Variants in IGFN1 observed in about 807,000 individuals in gnomAD.
The protein encoded by IGFN1 is immunoglobulin-like and fibronectin type III domain-containing protein 1.
A neutral mutation model predicts 289.5 loss-of-function variants in IGFN1; 253 were observed. The ratio of observed to expected loss-of-function variants is 0.87; its 90% confidence interval spans 0.79 to 0.97. The LOEUF is 0.97. IGFN1 is among the 50% of genes least tolerant of loss of function. The pLI is 0.00. For synonymous variants in IGFN1, 1,706 were observed against 1,788.5 expected (o/e 0.95, Z 1.16); for missense variants, 4,470 against 4,686.1 (o/e 0.95, Z 1.35).
rs1023016108 is a variant in IGFN1, at chr1:201,213,690, T to G, written c.8728+69T>G. 7.8e-6 allele frequency: 10 copies of G among 1,281,170 alleles called. No homozygotes were observed. In the Middle Eastern group the frequency reaches 1.1e-3, roughly 146 times the overall value. 79.4% of individuals were successfully genotyped at this position (1,281,170 alleles called of 1,614,324 possible). On this transcript the variant is annotated intron_variant, in intron 12 of 23. Transcript: ENST00000335211. ...GTGGGGAGCTCCCTGGCCACTGGGA[T>G]GCTTGGGTCTGTCCCAGTTCTGCCT...
chr1:201,217,836 T>C (rs1440386892), intron 17 of IGFN1, among the ~76,000 whole-genome samples: 1 of 152,250 alleles, frequency 6.6e-6, no homozygotes, highest in African/African-American at 2.4e-5. Flanking sequence ...CTGTTAGCCC[T>C]GGCCCCTCTA....
Position 201,194,232 on chromosome 1 carries a change from C to A in IGFN1, c.86C>A (p.Pro29Gln). 5 of 1,551,570 alleles carry A rather than the reference C, an allele frequency of 3.2e-6. No homozygotes were observed. The highest frequency in any genetic ancestry group is 4.4e-6 in the Non-Finnish European group (5 of 1,146,950). The change falls in exon 3 of 24, where the codon CCG becomes CAG. Residue 29 changes from proline to glutamine, a missense_variant. Coordinates refer to ENST00000335211, the MANE Select transcript of IGFN1 (RefSeq NM_001164586.2). ...VEEIPEGCST[P>Q]DFEQKPVTSA... Reference sequence around the variant, plus strand: ...GAGATCCCTGAAGGCTGCAGCACGCCGGACTTTGAGCAGAAGCCCGTCACC... The same window carrying A: ...GAGATCCCTGAAGGCTGCAGCACGCAGGACTTTGAGCAGAAGCCCGTCACC...
chr1:201,227,437 T>C (rs1189678511), intron 23 of IGFN1, among the ~76,000 whole-genome samples: 1 of 151,854 alleles, frequency 6.6e-6, no homozygotes, highest in Non-Finnish European at 1.5e-5. Flanking sequence ...TTTAGTTTTT[T>C]TTTTTTTGAG....
chr1:201,209,018 A>G lies in IGFN1; in HGVS notation c.4125A>G (p.Glu1375=). 6.5e-7 allele frequency: 1 copy of G among 1,535,890 alleles called. No homozygotes were observed. The highest frequency in any genetic ancestry group is 8.7e-7 in the Non-Finnish European group (1 of 1,146,588). ...CCAGGGAAATCGGGTCAATGGATGA[A>G]ACAGATAATAGGAAAGATTTGGGGG... ...KGSREIGSMD[E]TDNRKDLGVP... The change falls in exon 12 of 24, where the codon GAA becomes GAG. Residue 1375 remains glutamate, a synonymous_variant. Transcript: ENST00000335211.
Position 201,207,697 on chromosome 1 carries a change from C to A in IGFN1, c.2804C>A (p.Pro935His). 6.5e-7 allele frequency: 1 copy of A among 1,536,988 alleles called. No individual in the cohort carries two copies. Among genetic ancestry groups the A allele is most frequent in the Non-Finnish European group, 8.7e-7 (1 of 1,146,866 alleles). Reference sequence around the variant, plus strand: ...TCAGGGAGCTCCAGAGTAAAAGGACCCAGAGGTGAGACAGGCTATAAGGAT... The same window carrying A: ...TCAGGGAGCTCCAGAGTAAAAGGACACAGAGGTGAGACAGGCTATAAGGAT... Reference protein sequence around the residue: ...NGSGSSRVKGPRGETGYKDGL... With the variant: ...NGSGSSRVKGHRGETGYKDGL... The change falls in exon 12 of 24, where the codon CCC becomes CAC. Residue 935 changes from proline to histidine, a missense_variant. By Grantham distance (77) the Pro-to-His change is moderately conservative. Coordinates refer to ENST00000335211, the MANE Select transcript of IGFN1 (RefSeq NM_001164586.2).
rs561942109 is a variant in IGFN1, at chr1:201,218,637, G to A, written c.9877G>A (p.Val3293Ile). ...AGAGCCTGGACCTCCATCGGATGCT[G>A]TCTTTGCTCGGGACCCCATGAGTAA... ...PGEPGPPSDA[V>I]FARDPMRPPG... The change falls in exon 18 of 24, where the codon GTC (valine) becomes ATC (isoleucine). Residue 3293 changes from valine (V) to isoleucine (I), a missense_variant. Val to Ile is a conservative substitution (Grantham distance 29). This residue lies in a region of IGFN1 where 2,218 missense variants were observed against 2,114.1 expected (regional missense o/e 1.05). Transcript: ENST00000335211. 1.6e-5 allele frequency: 26 copies of A among 1,606,964 alleles called. No homozygotes were observed. The highest frequency in any genetic ancestry group is 6.7e-5 in the Admixed American group (4 of 59,970).
intron 20 of IGFN1, among the ~76,000 whole-genome samples, chr1:201,223,381 T>TTTAC (rs1203954086): frequency 6.7e-6 from 1 of 149,370 alleles, no homozygotes; most frequent in Non-Finnish European, 1.5e-5. Context: ...TATTTATTTA[T>TTTAC]TTATTTTGAG....
Position 201,208,464 on chromosome 1 carries a change from T to A in IGFN1, c.3571T>A (p.Ser1191Thr). Residue 1191 changes from serine to threonine, a missense_variant, in exon 12 of 24, where the codon TCA (serine) becomes ACA (threonine). This residue lies in a region of IGFN1 where 2,011 missense variants were observed against 1,953.4 expected (regional missense o/e 1.03). Coordinates refer to ENST00000335211, the MANE Select transcript of IGFN1 (RefSeq NM_001164586.2). ...TAGGGATGATACCAGGCACCCTGAG[T>A]CACTCGCACCTCACAATGGGGCCGC... ...GYRDDTRHPESLAPHNGAASG... is the reference protein window; with the variant it reads ...GYRDDTRHPETLAPHNGAASG... 6.9e-7 allele frequency: 1 copy of A among 1,445,456 alleles called. No homozygotes were observed. The highest frequency in any genetic ancestry group is 9.0e-7 in the Non-Finnish European group (1 of 1,106,238). The allele number at this position is 1,445,456 out of a possible 1,614,324, so 89.5% of individuals were successfully genotyped here.
intron 23 of IGFN1, among the ~76,000 whole-genome samples, chr1:201,227,764 T>C (rs1654205432): frequency 6.6e-6 from 1 of 152,182 alleles, no homozygotes; most frequent in Non-Finnish European, 1.5e-5. Flanking sequence ...TATTTGAACT[T>C]GGTGAGCAAC....
intron 10 of IGFN1, among the ~76,000 whole-genome samples, chr1:201,204,220 C>T (rs922181933): frequency 4.6e-5 from 7 of 152,198 alleles, no homozygotes; most frequent in African/African-American, 1.7e-4. Flanking sequence ...AGACTAATTG[C>T]ACAGCCTCTA....
At chr1:201,217,502 C>T in intron 17 of IGFN1, 42 bp downstream of exon 17, 1 of 1,600,096 alleles carries the variant, frequency 6.2e-7, no homozygotes. Context: ...TAGACCCCTC[C>T]TGGCTCCAGG....
rs1667983127 is a variant in IGFN1 at position 201,214,269 on chromosome 1, G to A, written c.8821G>A (p.Gly2941Arg). ...CTCCTGTACCCTCACCAGTGACCTG[G>A]GACCTGGCACCTGGTTTAAGGATGG... ...TLSCTLTSDL[G>R]PGTWFKDGVK... The change falls in exon 13 of 24, where the codon GGA becomes AGA. Residue 2941 changes from glycine to arginine, a missense_variant. Physicochemically the swap from Gly to Arg is moderately radical, Grantham distance 125. Coordinates refer to ENST00000335211, the MANE Select transcript of IGFN1 (RefSeq NM_001164586.2). 6.2e-7 allele frequency: 1 copy of A among 1,612,944 alleles called. No homozygotes were observed. Among genetic ancestry groups the A allele is most frequent in the African/African-American group, 1.3e-5 (1 of 75,006 alleles).
chr1:201,202,932 T>G (rs1156751497), intron 9 of IGFN1, among the ~76,000 whole-genome samples: 5 of 152,014 alleles, frequency 3.3e-5, no homozygotes, highest in African/African-American at 1.2e-4. Flanking sequence ...ATTTTTTGTA[T>G]TTTCAGTACA....
At chr1:201,217,816 A>G (rs543027681) in intron 17 of IGFN1, among the ~76,000 whole-genome samples, 1 of 152,338 alleles carries the variant, frequency 6.6e-6, no homozygotes, top group South Asian at 2.1e-4. Flanking sequence ...GCTGAGAGCC[A>G]GAGATGAAGC....
rs1667431204 is a variant in IGFN1 at position 201,206,564 on chromosome 1, A to G, written c.1671A>G (p.Gly557=). The change falls in exon 12 of 24, where the codon GGA becomes GGG. Residue 557 remains glycine, a synonymous_variant. Coordinates refer to ENST00000335211, the MANE Select transcript of IGFN1 (RefSeq NM_001164586.2). The part of the protein sequence containing the change: ...SNSDECWRKA[G]GWEAGSSRLQ... ...GTGATGAATGCTGGAGGAAAGCAGG[A>G]GGCTGGGAGGCTGGGTCCAGTCGGC... is the stretch of plus-strand genomic sequence containing the variant. The G allele has an allele frequency of 2.6e-6, 4 of 1,550,072 alleles. No individual in the cohort carries two copies. Among genetic ancestry groups the G allele is most frequent in the Non-Finnish European group, 3.5e-6 (4 of 1,147,000 alleles).
At position 201,224,833 on chromosome 1, in the gene IGFN1, A is replaced by AG. The variant is rs1189043008; in HGVS notation, c.10449dup (p.Lys3484GlufsTer40). 1.6e-5 allele frequency: 26 copies of AG among 1,613,880 alleles called. No homozygotes were observed. Among genetic ancestry groups the AG allele is most frequent in the Non-Finnish European group, 2.1e-5 (25 of 1,179,954 alleles). On this transcript the variant is annotated frameshift_variant, in exon 21 of 24. Transcript: ENST00000335211. LOFTEE classifies it high-confidence loss of function. ...TACACTGTGGTGCTGAGGACCCTGCAGGGGAAGGAGGTTGCCCACAGCTTC... is the reference window on the plus strand; with the variant it reads ...TACACTGTGGTGCTGAGGACCCTGCAGGGGGAAGGAGGTTGCCCACAGCTTC...
Position 201,195,833 on chromosome 1 carries a change from C to T in IGFN1, c.128-6C>T, listed in dbSNP as rs1666893876. 1 of 1,550,944 alleles carries T rather than the reference C, an allele frequency of 6.4e-7. No homozygotes were observed. Among genetic ancestry groups the T allele is most frequent in the Non-Finnish European group, 8.7e-7 (1 of 1,146,570 alleles). On this transcript the variant is annotated splice_polypyrimidine_tract_variant and splice_region_variant and intron_variant, in intron 3 of 23. Coordinates refer to ENST00000335211, the MANE Select transcript of IGFN1 (RefSeq NM_001164586.2). The stretch of plus-strand genomic sequence containing the variant: ...CAGTCTCCCTACTCGTCTCTTCCTG[C>T]TGCAGGGAAAAATGCTGTCTTTCGG...
intron 9 of IGFN1, among the ~76,000 whole-genome samples, chr1:201,203,106 A>G (rs1667236099): frequency 6.6e-6 from 1 of 151,982 alleles, no homozygotes; most frequent in African/African-American, 2.4e-5. Context: ...GACATCTATT[A>G]TTTATATTTT....
chr1:201,213,063 G>A lies in IGFN1; in HGVS notation c.8170G>A (p.Ala2724Thr), dbSNP rs1667905756. ...GKGNSTEWGN[A>T]LTPKPGESGP... ...GGGGAATTCTACTGAGTGGGGGAATGCCCTCACCCCAAAACCTGGGGAGTC... is the reference window on the plus strand; with the variant it reads ...GGGGAATTCTACTGAGTGGGGGAATACCCTCACCCCAAAACCTGGGGAGTC... The change falls in exon 12 of 24, where the codon GCC (alanine) becomes ACC (threonine). Residue 2724 changes from alanine to threonine, a missense_variant. Physicochemically the swap from Ala to Thr is moderately conservative, Grantham distance 58 (BLOSUM62 0). This residue lies in a region of IGFN1 where 2,218 missense variants were observed against 2,114.1 expected (regional missense o/e 1.05). Coordinates refer to ENST00000335211, the MANE Select transcript of IGFN1 (RefSeq NM_001164586.2). The A allele has an allele frequency of 2.6e-6, 4 of 1,551,636 alleles. No homozygotes were observed. The East Asian group carries it at 9.8e-5, about 38-fold the overall frequency.
Sources: gnomAD v4.1 joint callset for allele counts (sites outside exome capture counted in the v4.1 genomes callset) on GRCh38, gnomAD v4.1.1 for gene constraint, gnomAD v4.1.1 regional missense constraint, MANE v1.5 for transcripts, NCBI Gene and HGNC (gene_info 2026-07-23, HGNC 2026-07-21) for gene names.